Variants in DPP6 observed in about 807,000 individuals in gnomAD.
DPP6 encodes A-type potassium channel modulatory protein DPP6.
Under a neutral mutation model 122.6 loss-of-function variants are expected in DPP6, and 69 were observed. That is an observed-to-expected ratio of 0.56 (90% CI 0.46 to 0.69). The LOEUF is 0.69. Ranked by LOEUF, DPP6 falls within the 30% of genes least tolerant of loss-of-function variation. The probability of loss-of-function intolerance (pLI) is 0.00; values close to 1 mark genes in which losing one functional copy is unlikely to be tolerated. For missense variants in DPP6, 928 were observed against 1,116.9 expected, an observed-to-expected ratio of 0.83 and a Z score of 2.41; for synonymous variants, 418 against 433.1, an observed-to-expected ratio of 0.97 and a Z score of 0.43.
chr7:154,309,659 T>C (rs868400126), intron 1 of DPP6, among the ~76,000 whole-genome samples: 6 of 152,216 alleles, frequency 3.9e-5, no homozygotes, highest in Non-Finnish European at 4.4e-5. Flanking sequence ...ATTTTTTATG[T>C]AGCCATATTA....
At chr7:154,325,887 T>G (rs1808401915) in intron 1 of DPP6, among the ~76,000 whole-genome samples, 1 of 152,136 alleles carries the variant, frequency 6.6e-6, no homozygotes, top group Non-Finnish European at 1.5e-5. Flanking sequence ...ATGTCTTACT[T>G]TTTTGGAGGT....
At chr7:154,325,171 G>A (rs1808337894) in intron 1 of DPP6, among the ~76,000 whole-genome samples, 1 of 152,080 alleles carries the variant, frequency 6.6e-6, no homozygotes, top group Non-Finnish European at 1.5e-5. Context: ...CTGGCCTACA[G>A]TCTCCATTTT....
intron 1 of DPP6, among the ~76,000 whole-genome samples, chr7:154,288,080 C>T (rs147576818): frequency 6.6e-6 from 1 of 152,312 alleles, no homozygotes; most frequent in Non-Finnish European, 1.5e-5. Context: ...TCTGGTTGTT[C>T]CCCGCAGTCA....
intron 9 of DPP6, among the ~76,000 whole-genome samples, chr7:154,771,254 A>G (rs568225291): frequency 1.4e-5 from 2 of 148,004 alleles, no homozygotes; most frequent in South Asian, 4.3e-4. Context: ...AGCTGCCACA[A>G]TGAAATAACA....
chr7:154,857,299 T>A (rs1328832060), intron 17 of DPP6, among the ~76,000 whole-genome samples: 1 of 152,198 alleles, frequency 6.6e-6, no homozygotes, highest in African/African-American at 2.4e-5. Context: ...GGTTCCAGGT[T>A]CCTGAACACC....
chr7:154,667,574 T>A (rs1435556955), intron 6 of DPP6, among the ~76,000 whole-genome samples: 1 of 152,086 alleles, frequency 6.6e-6, no homozygotes, highest in East Asian at 1.9e-4. Flanking sequence ...AATACAAAAA[T>A]TCGCCAGGCG....
At chr7:153,791,420 C>CTTCCTTTTTTTTT in the DPP6 span, among the ~76,000 whole-genome samples, 4 of 24,238 alleles carry the variant, frequency 1.7e-4, no homozygotes, top group South Asian at 4.8e-3. Flanking sequence ...TCCTTCCTTC[C>CTTCCTTTTTTTTT]TTTCTTTTTT....
At chr7:154,383,436 A>G (rs1563579361) in intron 1 of DPP6, among the ~76,000 whole-genome samples, 2 of 152,260 alleles carry the variant, frequency 1.3e-5, no homozygotes. Context: ...ACATTGTTTA[A>G]TATGAGAATA....
intron 1 of DPP6, among the ~76,000 whole-genome samples, chr7:154,215,529 A>G (rs994206783): frequency 2.6e-5 from 4 of 152,328 alleles, no homozygotes; most frequent in Admixed American, 2.6e-4. Flanking sequence ...CCTTGAAGCC[A>G]GTTAAGATCG....
At chr7:153,902,606 G>A (rs372576533) in intron 1 of DPP6, among the ~76,000 whole-genome samples, 4 of 152,132 alleles carry the variant, frequency 2.6e-5, no homozygotes, top group East Asian at 1.9e-4. Context: ...AGGCTGAGGC[G>A]GGTGGATCAC....
intron 1 of DPP6, among the ~76,000 whole-genome samples, chr7:154,293,974 G>A (rs757628816): frequency 1.7e-4 from 26 of 152,144 alleles, no homozygotes; most frequent in Non-Finnish European, 2.9e-4. Flanking sequence ...TAGCCATGAC[G>A]AGAGCCAGTT....
At chr7:154,524,100 A>G (rs569212504) in intron 3 of DPP6, among the ~76,000 whole-genome samples, 36 of 152,354 alleles carry the variant, frequency 2.4e-4, no homozygotes, top group Middle Eastern at 3.4e-3. Flanking sequence ...CTGAAGTACC[A>G]ACAAAGCAGG....
intron 4 of DPP6, among the ~76,000 whole-genome samples, chr7:154,551,591 G>A (rs184063999): frequency 2.8e-4 from 42 of 152,158 alleles, no homozygotes; most frequent in African/African-American, 9.9e-4. Flanking sequence ...AAATCAATTG[G>A]TATCATTCAT....
chr7:153,918,562 C>CAT (rs1800468391), intron 1 of DPP6, among the ~76,000 whole-genome samples: 1 of 68,848 alleles, frequency 1.5e-5, no homozygotes, highest in Non-Finnish European at 3.0e-5. Flanking sequence ...CACACACACA[C>CAT]ACAGTCTCTC....
chr7:154,620,229 T>G (rs1834549450), intron 5 of DPP6, among the ~76,000 whole-genome samples: 1 of 152,166 alleles, frequency 6.6e-6, no homozygotes, highest in South Asian at 2.1e-4. Flanking sequence ...TAGCACCCAG[T>G]GTAAATATGG....
chr7:154,014,188 AGAACTGTGG>A (rs1446397106), intron 1 of DPP6, among the ~76,000 whole-genome samples: 1 of 149,460 alleles, frequency 6.7e-6, no homozygotes, highest in Non-Finnish European at 1.5e-5. Context: ...CGAAGTGATG[AGAACTGTGG>A]GAATTTCTGA....
At chr7:154,463,882 A>G (rs892962483) in intron 2 of DPP6, among the ~76,000 whole-genome samples, 2 of 152,102 alleles carry the variant, frequency 1.3e-5, no homozygotes, top group African/African-American at 4.8e-5. Flanking sequence ...GCAGAGGGAA[A>G]GAGTCTCTCC....
chr7:154,676,631 T>G (rs1838929964), intron 7 of DPP6, among the ~76,000 whole-genome samples: 1 of 152,246 alleles, frequency 6.6e-6, no homozygotes, highest in Non-Finnish European at 1.5e-5. Context: ...CTGTGGCAGT[T>G]GTGGCTCTCT....
chr7:154,055,863 T>G (rs1800785069), intron 1 of DPP6: 1 of 152,250 alleles, frequency 6.6e-6, no homozygotes, highest in Non-Finnish European at 1.5e-5. Context: ...CCTTGGTCAC[T>G]AAGATGATGG....
Sources: gnomAD v4.1 joint callset for allele counts (sites outside exome capture counted in the v4.1 genomes callset) on GRCh38, gnomAD v4.1.1 for gene constraint, MANE v1.5 for transcripts, NCBI Gene and HGNC (gene_info 2026-07-23, HGNC 2026-07-21) for gene names.